The following LETM1 variants were observed in gnomAD, a reference collection of about 807,000 sequenced individuals.
LETM1 encodes the protein mitochondrial proton/calcium exchanger protein.
LETM1 carries 50 observed loss-of-function variants against 74.5 expected under a neutral mutation model. The ratio of observed to expected loss-of-function variants is 0.67; its 90% CI spans 0.53 to 0.85. LETM1 has a LOEUF of 0.85. Ranked by LOEUF, LETM1 falls within the 40% of genes least tolerant of loss-of-function variation. LETM1 has a pLI of 0.00. For missense variants in LETM1, 824 were observed against 967.8 expected (o/e 0.85, Z 1.97); for synonymous variants, 446 against 407.1 (o/e 1.10, Z -1.15).
At chr4:1,847,330 A>G (rs966660971) in intron 2 of LETM1, among the ~76,000 whole-genome samples, 6 of 151,508 alleles carry the variant, frequency 4.0e-5, no homozygotes, top group African/African-American at 1.5e-4. Flanking sequence ...AATGAACAGA[A>G]TGAGATCCTG....
Position 1,841,731 on chromosome 4 carries a change from G to A in LETM1, c.210C>T (p.Leu70=), listed in dbSNP as rs758945105. 8.1e-6 allele frequency: 13 copies of A among 1,614,056 alleles called. No individual in the cohort carries two copies. Among genetic ancestry groups the A allele is most frequent in the Admixed American group, 6.7e-5 (4 of 60,006 alleles). The part of the protein sequence containing the change: ...PVYTSSRGDH[L]GCWALRPECL... ...ACTCGGGCCTCAGAGCCCAACAGCC[G>A]AGGTGATCGCCTCTGGAGGATGTGT... is the stretch of plus-strand genomic sequence containing the variant. The change falls in exon 3 of 14, where the codon CTC becomes CTT. Residue 70 remains leucine, a synonymous_variant. Coordinates refer to ENST00000302787, the MANE Select transcript of LETM1 (RefSeq NM_012318.3).
At chr4:1,846,906 C>A (rs1473817455) in intron 2 of LETM1, among the ~76,000 whole-genome samples, 1 of 152,018 alleles carries the variant, frequency 6.6e-6, no homozygotes, top group East Asian at 1.9e-4. Context: ...AGGAAAGGGG[C>A]CAGATACAAG....
chr4:1,844,845 C>T (rs559604312), intron 2 of LETM1, among the ~76,000 whole-genome samples: 4 of 141,286 alleles, frequency 2.8e-5, no homozygotes, highest in African/African-American at 8.2e-5. Context: ...TCCAGGAGTT[C>T]GAACCCAGCC....
intron 6 of LETM1, among the ~76,000 whole-genome samples, chr4:1,826,380 C>T (rs1711987145): frequency 5.3e-5 from 8 of 152,358 alleles, no homozygotes; most frequent in Admixed American, 3.3e-4. Context: ...TGTGGACACA[C>T]ATCCAGTTTT....
At chr4:1,829,329 G>T (rs538611125) in intron 6 of LETM1, among the ~76,000 whole-genome samples, 1 of 147,590 alleles carries the variant, frequency 6.8e-6, no homozygotes, top group Non-Finnish European at 1.5e-5. Flanking sequence ...CAGACGGGGC[G>T]GCTGGCCAGG....
In LETM1 at chr4:1,834,178, C is replaced by T. The variant is rs1280279585; in HGVS notation, c.876+667G>A. ...TCGCCTCTGTGCTGCAGCGGGAAAA[C>T]CCCACAGACAACGCACACGCATGGC... is the stretch of plus-strand genomic sequence containing the variant. On this transcript the variant is annotated intron_variant, in intron 5 of 13. Transcript: ENST00000302787. This position sits in a 1 kb window ranked among gnomAD's most constrained non-coding sequence, Gnocchi z 5.0. The T allele has an allele frequency of 2.5e-5, 4 of 157,556 alleles. No homozygotes were observed. Among genetic ancestry groups the T allele is most frequent in the South Asian group, 2.0e-4 (1 of 4,920 alleles). 9.8% of individuals were successfully genotyped at this position (157,556 alleles called of 1,614,324 possible).
chr4:1,828,229 A>ACCCCCCCACCTCCCTC (rs1712083520), intron 6 of LETM1, among the ~76,000 whole-genome samples: 1 of 71,142 alleles, frequency 1.4e-5, no homozygotes, highest in African/African-American at 5.3e-5. Context: ...GGGGGGGCTG[A>ACCCCCCCACCTCCCTC]CCGCCCCCCA....
chr4:1,834,466 G>A lies in LETM1; in HGVS notation c.876+379C>T. On this transcript the variant is annotated intron_variant, in intron 5 of 13. Coordinates refer to ENST00000302787, the MANE Select transcript of LETM1 (RefSeq NM_012318.3). This position sits in a 1 kb window ranked among gnomAD's most constrained non-coding sequence, Gnocchi z 5.0. Reference sequence around the variant, plus strand: ...CCTCTGACCAGCCCCTGGGACCTGGGATCTTCTTGACTGACTCCAGCCAGA... The same window carrying A: ...CCTCTGACCAGCCCCTGGGACCTGGAATCTTCTTGACTGACTCCAGCCAGA... 3 of 1,033,682 alleles carry A rather than the reference G, an allele frequency of 2.9e-6. No homozygotes were observed. The highest frequency in any genetic ancestry group is 3.5e-6 in the Non-Finnish European group (3 of 860,124). 64.0% of individuals were successfully genotyped at this position (1,033,682 alleles called of 1,614,324 possible). A position where few individuals can be genotyped will look rare whatever the true frequency, so the allele number is the denominator to read the frequency against.
At position 1,823,103 on chromosome 4, in the gene LETM1, T is replaced by C; in HGVS notation, c.1361A>G (p.Glu454Gly). The change falls in exon 9 of 14, where the codon GAG (glutamate) becomes GGG (glycine). Residue 454 changes from glutamate to glycine, a missense_variant. Glu to Gly is a moderately conservative substitution (Grantham distance 98). Coordinates refer to ENST00000302787, the MANE Select transcript of LETM1 (RefSeq NM_012318.3). ...GTTGTCCACCTGCTCGCCCTCCACCTCGGCCACTTTCACCTGTGCTTCCTT... is the reference window on the plus strand; with the variant it reads ...GTTGTCCACCTGCTCGCCCTCCACCCCGGCCACTTTCACCTGTGCTTCCTT... ...VAKEAQVKVA[E>G]VEGEQVDNKA... 1 of 1,605,774 alleles carries C rather than the reference T, an allele frequency of 6.2e-7. No individual in the cohort carries two copies. Among genetic ancestry groups the C allele is most frequent in the South Asian group, 1.1e-5 (1 of 90,294 alleles).
intron 13 of LETM1, among the ~76,000 whole-genome samples, 177 bp downstream of exon 13, chr4:1,815,487 C>T (rs1313889491): frequency 6.6e-6 from 1 of 152,220 alleles, no homozygotes; most frequent in Non-Finnish European, 1.5e-5. Flanking sequence ...TTTCTCACTT[C>T]TGATGTTTCA....
intron 1 of LETM1, among the ~76,000 whole-genome samples, chr4:1,854,662 G>C (rs1055193817): frequency 6.6e-6 from 1 of 151,806 alleles, no homozygotes; most frequent in African/African-American, 2.4e-5. Context: ...TCGTGATGGC[G>C]GGTGCCTATA....
intron 6 of LETM1, among the ~76,000 whole-genome samples, chr4:1,828,114 C>G (rs1712075203): frequency 7.7e-6 from 1 of 130,190 alleles, no homozygotes; most frequent in Non-Finnish European, 1.7e-5. Context: ...CCCCACCTCC[C>G]TCCCGGACGG....
intron 13 of LETM1, among the ~76,000 whole-genome samples, 181 bp from the exon 14 acceptor site, chr4:1,814,754 G>A (rs972863562): frequency 3.9e-5 from 6 of 152,244 alleles, no homozygotes; most frequent in Admixed American, 3.9e-4. Context: ...CAGACCCTGG[G>A]GAAGGGGCTC....
intron 6 of LETM1, among the ~76,000 whole-genome samples, chr4:1,826,051 C>G (rs542031810): frequency 5.9e-5 from 9 of 152,308 alleles, no homozygotes; most frequent in Admixed American, 5.9e-4. Flanking sequence ...GGCGAGGGAA[C>G]CAGACACTCT....
chr4:1,841,604 G>C lies in LETM1; in HGVS notation c.337C>G (p.Pro113Ala). The change falls in exon 3 of 14, where the codon CCT becomes GCT. Residue 113 changes from proline to alanine, a missense_variant. By Grantham distance (27) the Pro-to-Ala change is conservative. This residue lies in a region of LETM1 where 222 missense variants were observed against 195.6 expected (regional missense o/e 1.14). Transcript: ENST00000302787. ...TCTACTACCGAGTCATCGCGAACAG[G>C]GCGCGAAGAGTGCCAGCCACGCACA... ...LPVRGWHSSRPVRDDSVVEKS... is the reference protein window; with the variant it reads ...LPVRGWHSSRAVRDDSVVEKS... 1.2e-6 allele frequency: 2 copies of C among 1,614,228 alleles called. No individual in the cohort carries two copies. Among genetic ancestry groups the C allele is most frequent in the East Asian group, 4.5e-5 (2 of 44,876 alleles).
chr4:1,830,306 T>TCA (rs1712220936), intron 6 of LETM1, among the ~76,000 whole-genome samples: 1 of 152,248 alleles, frequency 6.6e-6, no homozygotes, highest in Non-Finnish European at 1.5e-5. Context: ...ATTGTACTTT[T>TCA]CAGTTGTAAT....
intron 2 of LETM1, among the ~76,000 whole-genome samples, chr4:1,843,544 C>G (rs899825244): frequency 1.3e-5 from 2 of 152,248 alleles, no homozygotes; most frequent in Admixed American, 6.5e-5. Flanking sequence ...CTCCCAGGCT[C>G]AAAATCTTCC....
intron 13 of LETM1, 138 bp downstream of exon 13, chr4:1,815,520 AGCAGTC>A: frequency 1.4e-6 from 1 of 727,908 alleles, no homozygotes; most frequent in Non-Finnish European, 2.2e-6. Context: ...GGCTTAAAGG[AGCAGTC>A]GCAGTGACAG....
chr4:1,826,091 G>T (rs1711977039), intron 6 of LETM1, among the ~76,000 whole-genome samples: 1 of 152,142 alleles, frequency 6.6e-6, no homozygotes, highest in East Asian at 1.9e-4. Context: ...ATACCCAAAG[G>T]GCCCCTCTCT....
Sources: allele counts gnomAD v4.1 joint callset (sites outside exome capture counted in the v4.1 genomes callset), GRCh38; gene constraint gnomAD v4.1.1; regional missense constraint gnomAD v4.1.1; non-coding constraint Gnocchi (gnomAD v3.1); transcripts MANE v1.5; gene names NCBI Gene and HGNC (gene_info 2026-07-23, HGNC 2026-07-21).